Variants in GNB5 observed in about 807,000 individuals in gnomAD.
The protein encoded by GNB5 is guanine nucleotide-binding protein subunit beta-5.
In GNB5, 37 loss-of-function variants were observed where a neutral mutation model predicts 55.3. The observed-to-expected ratio is 0.67, with a 90% CI of 0.51 to 0.88. The LOEUF is 0.88. GNB5 is among the 40% of genes least tolerant of loss of function. The pLI, the probability that GNB5 is intolerant of heterozygous loss-of-function variation, is 0.00. For synonymous variants in GNB5, 219 were observed against 198.5 expected, an observed-to-expected ratio of 1.10 and a Z score of -0.87; for missense variants, 476 against 515.3, an observed-to-expected ratio of 0.92 and a Z score of 0.74.
Position 52,163,146 on chromosome 15 carries a change from C to A in GNB5, c.239-9070G>T, listed in dbSNP as rs1222728600. ...TGATTGTGAGACCACGCCCGGGAAA[C>A]CACGCTTTTCCCACAGATCTTTGCA... On this transcript the variant is annotated intron_variant, in intron 3 of 12. Transcript: ENST00000261837. Among the ~76,000 whole-genome samples the A allele has an allele frequency of 1.3e-5, 2 of 152,204 alleles. 1 individual carries two copies.
intron 3 of GNB5, among the ~76,000 whole-genome samples, chr15:52,171,606 T>G (rs1230601738): frequency 6.6e-6 from 1 of 152,230 alleles, no homozygotes; most frequent in Admixed American, 6.5e-5. Flanking sequence ...AGGAGGCATG[T>G]GGCCAAACAG....
At chr15:52,144,028 C>T (rs2033916731) in intron 6 of GNB5, 1 of 152,264 alleles carries the variant, frequency 6.6e-6, no homozygotes, top group African/African-American at 2.4e-5. Flanking sequence ...GCTAGCACCT[C>T]CCACATGCCA....
chr15:52,125,293 T>TC lies in GNB5; in HGVS notation c.1009+654dup, dbSNP rs201303105. 2.0e-3 allele frequency: 310 copies of TC among 152,526 alleles called. 8 individuals are homozygous for TC. Among genetic ancestry groups the TC allele is most frequent in the East Asian group, 0.014 (75 of 5,186 alleles). The allele number at this position is 152,526 out of a possible 1,614,324, so 9.4% of individuals were successfully genotyped here. On this transcript the variant is annotated intron_variant, in intron 11 of 12. Coordinates refer to ENST00000261837, the MANE Select transcript of GNB5 (RefSeq NM_016194.4). ...ACTGAGAAGGGACTCATTTTTTTTT[T>TC]CCCTTTGAGTCAGAGTCTCGCTCTG...
intron 3 of GNB5, among the ~76,000 whole-genome samples, chr15:52,173,912 C>A (rs1596103696): frequency 6.6e-6 from 1 of 152,174 alleles, no homozygotes; most frequent in Admixed American, 6.5e-5. Flanking sequence ...TAAATAATGG[C>A]CCCCAAAGGT....
intron 11 of GNB5, chr15:52,124,899 G>T: frequency 3.2e-6 from 1 of 316,376 alleles, no homozygotes; most frequent in Non-Finnish European, 5.8e-6. Flanking sequence ...AAAGTGCTAT[G>T]GGACCAGAGA....
In GNB5 at chr15:52,117,644, G is replaced by A. The variant is rs1454556533; in HGVS notation, c.*5113C>T. On this transcript the variant is annotated 3_prime_UTR_variant, in exon 13 of 13. Coordinates refer to ENST00000261837, the MANE Select transcript of GNB5 (RefSeq NM_016194.4). Reference sequence around the variant, plus strand: ...GCCAGCCTGGCTCCAGCCAAGTGCTGTCTAGAAGCAGGAGTCTGTGGTATG... The same window carrying A: ...GCCAGCCTGGCTCCAGCCAAGTGCTATCTAGAAGCAGGAGTCTGTGGTATG... The A allele has an allele frequency of 2.6e-5, 4 of 152,360 alleles. No homozygotes were observed. The highest frequency in any genetic ancestry group is 7.2e-5 in the African/African-American group (3 of 41,482). The allele number at this position is 152,360 out of a possible 1,614,324, so 9.4% of individuals were successfully genotyped here.
At chr15:52,179,029 G>A (rs573266853) in intron 3 of GNB5, among the ~76,000 whole-genome samples, 1 of 152,358 alleles carries the variant, frequency 6.6e-6, no homozygotes, top group Admixed American at 6.5e-5. Context: ...GCCAAGAGCC[G>A]CTGAACCTGG....
At chr15:52,190,098 G>A (rs1400198292) in intron 1 of GNB5, among the ~76,000 whole-genome samples, 1 of 149,620 alleles carries the variant, frequency 6.7e-6, no homozygotes, top group Non-Finnish European at 1.5e-5. Flanking sequence ...AACAAAACGT[G>A]GACATCATAT....
chr15:52,126,205 C>T, intron 10 of GNB5, 161 bp from the exon 11 acceptor site: 1 of 560,694 alleles, frequency 1.8e-6, no homozygotes, highest in South Asian at 2.4e-5. Flanking sequence ...AGTCCCGACT[C>T]CTGTTAATTT....
chr15:52,170,984 C>T (rs1428468534), intron 3 of GNB5, among the ~76,000 whole-genome samples: 2 of 150,272 alleles, frequency 1.3e-5, no homozygotes, highest in South Asian at 2.1e-4. Flanking sequence ...ATCCCAGCTA[C>T]TTGGGAGGCT....
Position 52,147,436 on chromosome 15 carries a change from A to G in GNB5, c.494+23T>C, listed in dbSNP as rs370348343. 5 of 1,391,426 alleles carry G rather than the reference A, an allele frequency of 3.6e-6. No individual in the cohort carries two copies. In the African/African-American group the frequency reaches 5.7e-5, roughly 16 times the overall value. The allele number at this position is 1,391,426 out of a possible 1,614,324, so 86.2% of individuals were successfully genotyped here. On this transcript the variant is annotated intron_variant, in intron 6 of 12. Coordinates refer to ENST00000261837, the MANE Select transcript of GNB5 (RefSeq NM_016194.4). ...TTCTATGGTTAACACAAATTCTGAA[A>G]AGCTGCTGTAGCTCCAACTTACCCA...
At chr15:52,145,476 CA>C (rs71130134) in intron 6 of GNB5, among the ~76,000 whole-genome samples, 20,326 of 144,182 alleles carry the variant, frequency 0.14, 1,665 homozygotes, top group Admixed American at 0.25. Flanking sequence ...CCCATCTCTG[CA>C]AAAAAAAAAA....
At chr15:52,166,622 T>C (rs2034456423) in intron 3 of GNB5, among the ~76,000 whole-genome samples, 1 of 152,094 alleles carries the variant, frequency 6.6e-6, no homozygotes, top group Non-Finnish European at 1.5e-5. Context: ...AATCAAGAAG[T>C]TCTTTGAAAC....
At chr15:52,159,967 A>G (rs1366426808) in intron 3 of GNB5, among the ~76,000 whole-genome samples, 1 of 143,208 alleles carries the variant, frequency 7.0e-6, no homozygotes, top group South Asian at 2.2e-4. Flanking sequence ...TTTTTTTTTG[A>G]GATGGAGTCT....
chr15:52,169,881 C>A (rs942465141), intron 3 of GNB5, among the ~76,000 whole-genome samples: 10 of 151,876 alleles, frequency 6.6e-5, no homozygotes, highest in East Asian at 1.9e-4. Flanking sequence ...AGAAAAAAAA[C>A]CCCATTAAAA....
chr15:52,136,553 C>T (rs1460494727), intron 7 of GNB5, among the ~76,000 whole-genome samples: 1 of 152,210 alleles, frequency 6.6e-6, no homozygotes, highest in Non-Finnish European at 1.5e-5. Context: ...ACGGGGCACA[C>T]TGGGAGCAGC....
At chr15:52,127,514 T>C (rs2141184939) in intron 10 of GNB5, among the ~76,000 whole-genome samples, 1 of 152,224 alleles carries the variant, frequency 6.6e-6, no homozygotes, top group Admixed American at 6.5e-5. Context: ...TACAATATAT[T>C]TCCATATATA....
intron 3 of GNB5, among the ~76,000 whole-genome samples, chr15:52,162,576 A>T (rs8035146): frequency 0.034 from 5,177 of 152,318 alleles, 307 homozygotes; most frequent in African/African-American, 0.12. Flanking sequence ...TATTTAAAAA[A>T]TGATCTGGAA....
In GNB5 at chr15:52,119,928, G is replaced by A. The variant is rs2033225485; in HGVS notation, c.*2829C>T. 6.6e-6 allele frequency: 1 copy of A among 152,280 alleles called. No homozygotes were observed. Among genetic ancestry groups the A allele is most frequent in the Non-Finnish European group, 1.5e-5 (1 of 68,110 alleles). The allele number at this position is 152,280 out of a possible 1,614,324, so 9.4% of individuals were successfully genotyped here. On this transcript the variant is annotated 3_prime_UTR_variant, in exon 13 of 13. Coordinates refer to ENST00000261837, the MANE Select transcript of GNB5 (RefSeq NM_016194.4). ...TAACCTAGAGAAGGGTGCAAAGGAG[G>A]TAGAAGAGCGGGAAGAGGGCAGTGG...
Sources: gnomAD v4.1 joint callset for allele counts (sites outside exome capture counted in the v4.1 genomes callset) on GRCh38, gnomAD v4.1.1 for gene constraint, MANE v1.5 for transcripts, NCBI Gene and HGNC (gene_info 2026-07-23, HGNC 2026-07-21) for gene names.